CLPTM1: variants seen among roughly 807,000 people sequenced by gnomAD.
CLPTM1 encodes the protein putative lipid scramblase CLPTM1.
A neutral mutation model predicts 77.3 loss-of-function variants in CLPTM1; 21 were observed. The ratio of observed to expected loss-of-function variants is 0.27; its 90% CI spans 0.19 to 0.39. The LOEUF (loss-of-function observed/expected upper bound fraction) is 0.39, where lower values mean the gene tolerates loss of function less well. Among genes scored for constraint, CLPTM1 ranks in the 10% least tolerant of loss-of-function variants. CLPTM1 has a pLI of 1.00. For synonymous variants in CLPTM1, 373 were observed against 381.0 expected (o/e 0.98, Z 0.24); for missense variants, 642 against 921.2 (o/e 0.70, Z 3.92).
chr19:44,969,432 G>A (rs1970684115), intron 2 of CLPTM1, among the ~76,000 whole-genome samples: 1 of 152,110 alleles, frequency 6.6e-6, no homozygotes, highest in African/African-American at 2.4e-5. Flanking sequence ...TCACATGGCT[G>A]CATGCAGCTG....
rs1971056857 is a variant in CLPTM1 at position 44,990,608 on chromosome 19, T to C, written c.1323+23T>C. 3 of 1,609,428 alleles carry C rather than the reference T, an allele frequency of 1.9e-6. No individual in the cohort carries two copies. Among genetic ancestry groups the C allele is most frequent in the Non-Finnish European group, 8.5e-7 (1 of 1,177,010 alleles). ...CGGGTAAGGCTGGGGCGCCATGCTG[T>C]CTCGGGAGCTGCAGGGGTTGGGAGG... On this transcript the variant is annotated intron_variant, in intron 10 of 13. Coordinates refer to ENST00000337392, the MANE Select transcript of CLPTM1 (RefSeq NM_001294.4). The surrounding 1 kb of genome is among the most constrained non-coding windows in gnomAD (Gnocchi z 4.8).
chr19:44,991,515 C>T lies in CLPTM1; in HGVS notation c.1555+142C>T. 1.1e-6 allele frequency: 1 copy of T among 945,454 alleles called. No individual in the cohort carries two copies. Among genetic ancestry groups the T allele is most frequent in the South Asian group, 1.6e-5 (1 of 62,908 alleles). The allele number at this position is 945,454 out of a possible 1,614,324, so 58.6% of individuals were successfully genotyped here. ...GGATATAGGGAGGCCCGAGGGCACACATGGCCCCATCTGGGGTCAGAGAGG... is the reference window on the plus strand; with the variant it reads ...GGATATAGGGAGGCCCGAGGGCACATATGGCCCCATCTGGGGTCAGAGAGG... On this transcript the variant is annotated intron_variant, in intron 12 of 13. Coordinates refer to ENST00000337392, the MANE Select transcript of CLPTM1 (RefSeq NM_001294.4). This position sits in a 1 kb window ranked among gnomAD's most constrained non-coding sequence, Gnocchi z 5.4.
upstream of CLPTM1, chr19:44,955,153 G>A: frequency 1.3e-6 from 2 of 1,535,730 alleles, no homozygotes; most frequent in Non-Finnish European, 1.7e-6. Context: ...AGAAAGTCCT[G>A]GAGTTCGGAG....
At chr19:44,955,195 G>C (rs1278746060), upstream of CLPTM1, 12 of 1,533,062 alleles carry the variant, frequency 7.8e-6, no homozygotes, top group Admixed American at 1.8e-4. Flanking sequence ...GGAAACAAAC[G>C]GGCTGGGAGA....
At position 44,973,149 on chromosome 19, in the gene CLPTM1, C is replaced by T. The variant is rs562193044; in HGVS notation, c.248C>T (p.Ala83Val). ...CGAGGGCCGGCCCCTCAGGACCAGG[C>T]GGGCCCCGGAGGAGCTCCACGCGTC... The part of the protein sequence containing the change: ...FRRGPAPQDQ[A>V]GPGGAPRVAS... The change falls in exon 3 of 14, where the codon GCG (alanine) becomes GTG (valine). Residue 83 changes from alanine to valine, a missense_variant. Around this residue, in one of 2 missense-constraint regions of CLPTM1, gnomAD observed 521 missense variants for 800.4 expected, o/e 0.65. Coordinates refer to ENST00000337392, the MANE Select transcript of CLPTM1 (RefSeq NM_001294.4). 90 of 1,613,976 alleles carry T rather than the reference C, an allele frequency of 5.6e-5. No homozygotes were observed. In the South Asian group the frequency reaches 8.3e-4, roughly 15 times the overall value.
intron 1 of CLPTM1, chr19:44,955,743 C>T: frequency 1.4e-5 from 5 of 356,330 alleles, no homozygotes; most frequent in Non-Finnish European, 2.5e-5. Flanking sequence ...GGGGCGCAGG[C>T]TTGTACCTTG....
chr19:44,962,063 G>C lies in CLPTM1; in HGVS notation c.173G>C (p.Gly58Ala). 6.2e-7 allele frequency: 1 copy of C among 1,605,076 alleles called. No homozygotes were observed. Among genetic ancestry groups the C allele is most frequent in the Non-Finnish European group, 8.5e-7 (1 of 1,176,604 alleles). ...PAPNAWQVIK[G>A]VLFRIFIIWA... ...CCCAATGCCTGGCAGGTCATCAAAG[G>C]TGTGCTGTTTAGGTGAGCAGACGGG... The change falls in exon 2 of 14, where the codon GGT becomes GCT. Residue 58 changes from glycine to alanine, a missense_variant. Gly to Ala is a moderately conservative substitution (Grantham distance 60, BLOSUM62 0). Transcript: ENST00000337392.
At chr19:44,963,682 C>T (rs1282009427) in intron 2 of CLPTM1, among the ~76,000 whole-genome samples, 7 of 151,798 alleles carry the variant, frequency 4.6e-5, no homozygotes, top group East Asian at 1.9e-4. Context: ...TACAGTGGCG[C>T]GATCTCAGCT....
In CLPTM1 at chr19:44,990,221, C is replaced by T; in HGVS notation, c.1133-174C>T. 3.1e-6 allele frequency: 2 copies of T among 642,912 alleles called. No homozygotes were observed. Among genetic ancestry groups the T allele is most frequent in the South Asian group, 1.9e-5 (1 of 51,552 alleles). 39.8% of individuals were successfully genotyped at this position (642,912 alleles called of 1,614,324 possible). ...GCCGCCTGTCTGGTGCTCTGGGGGT[C>T]ACCCAATGAATATGAGAGCCTTCCT... is the stretch of plus-strand genomic sequence containing the variant. On this transcript the variant is annotated intron_variant, in intron 9 of 13. Transcript: ENST00000337392. The surrounding 1 kb of genome is among the most constrained non-coding windows in gnomAD (Gnocchi z 4.8).
chr19:44,958,112 C>T (rs1005964509), intron 1 of CLPTM1, among the ~76,000 whole-genome samples: 1 of 152,148 alleles, frequency 6.6e-6, no homozygotes, highest in Non-Finnish European at 1.5e-5. Context: ...TCTAGAAGGC[C>T]TCTCTGAGGA....
intron 2 of CLPTM1, among the ~76,000 whole-genome samples, chr19:44,968,125 TTTAATAC>T (rs765940170): frequency 3.9e-5 from 6 of 152,202 alleles, no homozygotes; most frequent in Non-Finnish European, 8.8e-5. Flanking sequence ...GAGAGACATT[TTTAATAC>T]AAGTCACACT....
rs377622218 is a variant in CLPTM1 at position 44,992,580 on chromosome 19, C to T, written c.1724-31C>T. Reference sequence around the variant, plus strand: ...CCACCTGGCTGTGGACGGGCCAGCCCGACCTCACACTGCCTCCCACCCCTC... The same window carrying T: ...CCACCTGGCTGTGGACGGGCCAGCCTGACCTCACACTGCCTCCCACCCCTC... On this transcript the variant is annotated intron_variant, in intron 13 of 13. Coordinates refer to ENST00000337392, the MANE Select transcript of CLPTM1 (RefSeq NM_001294.4). The surrounding 1 kb of genome is among the most constrained non-coding windows in gnomAD (Gnocchi z 7.7). 159 of 1,611,518 alleles carry T rather than the reference C, an allele frequency of 9.9e-5. No homozygotes were observed. In the African/African-American group the frequency reaches 1.5e-3, roughly 15 times the overall value.
At chr19:44,965,527 A>G (rs1309742780) in intron 2 of CLPTM1, among the ~76,000 whole-genome samples, 1 of 141,372 alleles carries the variant, frequency 7.1e-6, no homozygotes, top group Non-Finnish European at 1.5e-5. Flanking sequence ...AAATAAAACA[A>G]TCATGGCTGG....
intron 2 of CLPTM1, among the ~76,000 whole-genome samples, chr19:44,966,121 T>C (rs980143099): frequency 6.6e-6 from 1 of 151,854 alleles, no homozygotes; most frequent in Non-Finnish European, 1.5e-5. Flanking sequence ...AATGAAAAAG[T>C]GTAATGTGGG....
rs778602126 is a variant in CLPTM1, at chr19:44,988,064, CAT to C, written c.1039-15_1039-14del. Reference sequence around the variant, plus strand: ...CCTGGGTGGGGACAGGCTGTGCTCACATGTGTCCCCTGCAGGTGGCCCTGCTG... The same window carrying C: ...CCTGGGTGGGGACAGGCTGTGCTCACGTGTCCCCTGCAGGTGGCCCTGCTG... On this transcript the variant is annotated splice_polypyrimidine_tract_variant and intron_variant, in intron 8 of 13. Transcript: ENST00000337392. 1.1e-5 allele frequency: 18 copies of C among 1,586,896 alleles called. No homozygotes were observed. Among genetic ancestry groups the C allele is most frequent in the African/African-American group, 9.4e-5 (7 of 74,474 alleles).
At chr19:44,966,484 T>C (rs1970631067) in intron 2 of CLPTM1, among the ~76,000 whole-genome samples, 1 of 152,128 alleles carries the variant, frequency 6.6e-6, no homozygotes. Flanking sequence ...TAAATGGGAT[T>C]ATATATAGAT....
At chr19:44,957,341 G>C (rs1022259368) in intron 1 of CLPTM1, among the ~76,000 whole-genome samples, 1 of 152,238 alleles carries the variant, frequency 6.6e-6, no homozygotes, top group Non-Finnish European at 1.5e-5. Flanking sequence ...GGGTTTCACT[G>C]TCTGGGGACT....
intron 5 of CLPTM1, chr19:44,984,619 G>A (rs1970949963): frequency 6.5e-6 from 1 of 152,842 alleles, no homozygotes; most frequent in African/African-American, 2.4e-5. Context: ...GGGCTACGGT[G>A]AGTGTCTGGG....
chr19:44,963,551 T>A (rs1272524834), intron 2 of CLPTM1, among the ~76,000 whole-genome samples: 1 of 151,930 alleles, frequency 6.6e-6, no homozygotes, highest in Non-Finnish European at 1.5e-5. Flanking sequence ...GGTCTCTATC[T>A]CCTGACCTCA....
Sources: gnomAD v4.1 joint callset for allele counts (sites outside exome capture counted in the v4.1 genomes callset) on GRCh38, gnomAD v4.1.1 for gene constraint, gnomAD v4.1.1 regional missense constraint, Gnocchi (gnomAD v3.1) non-coding constraint, MANE v1.5 for transcripts, NCBI Gene and HGNC (gene_info 2026-07-23, HGNC 2026-07-21) for gene names.